The following STK32B variants were observed in gnomAD, a reference collection of about 807,000 sequenced individuals.
STK32B encodes serine/threonine-protein kinase 32B.
A neutral mutation model predicts 52.6 loss-of-function variants in STK32B; 43 were observed. That is an observed-to-expected ratio of 0.82 (90% CI 0.64 to 1.05). STK32B has a LOEUF of 1.05. Among genes scored for constraint, STK32B ranks in the 50% least tolerant of loss-of-function variants. STK32B has a pLI of 0.00. For synonymous variants in STK32B, 238 were observed against 204.3 expected, an observed-to-expected ratio of 1.17 and a Z score of -1.41; for missense variants, 621 against 534.6, an observed-to-expected ratio of 1.16 and a Z score of -1.59.
At chr4:5,042,355 A>T in the STK32B span, among the ~76,000 whole-genome samples, 1 of 152,220 alleles carries the variant, frequency 6.6e-6, no homozygotes, top group African/African-American at 2.4e-5. Context: ...TTTGCACATA[A>T]TTAGAAGAAC....
At position 5,496,805 on chromosome 4, in the gene STK32B, TAA is replaced by T. The variant is rs531765285; in HGVS notation, c.1107-2127_1107-2126del. ...TAACATGGAAATTTTTTCTTTGCTT[TAA>T]AAAAAAAAAAAACAGCATGAAGATC... On this transcript the variant is annotated intron_variant, in intron 11 of 11. Transcript: ENST00000282908. 1.8e-3 allele frequency among the ~76,000 whole-genome samples: 264 copies of T among 142,852 alleles called. 1 individual carries two copies. The highest frequency in any genetic ancestry group is 6.5e-3 in the African/African-American group (252 of 38,984). 93.7% of individuals were successfully genotyped at this position (142,852 alleles called of 152,430 possible).
Position 5,190,378 on chromosome 4 carries a change from T to A in STK32B, c.260+21928T>A, listed in dbSNP as rs1389811134. Among the ~76,000 whole-genome samples the A allele has an allele frequency of 2.0e-5, 3 of 152,156 alleles. No individual in the cohort carries two copies. The East Asian group carries it at 5.8e-4, about 29-fold the overall frequency. The stretch of plus-strand genomic sequence containing the variant: ...CCCTGTTAGGCTGGAACTTTGCTTC[T>A]CCATTTTGCAGAGGAGACAATTGAG... On this transcript the variant is annotated intron_variant, in intron 3 of 11. Transcript: ENST00000282908.
Position 5,453,224 on chromosome 4 carries a change from G to GGAGAGA in STK32B, c.667-3567_667-3562dup, listed in dbSNP as rs34791116. On this transcript the variant is annotated intron_variant, in intron 7 of 11. Coordinates refer to ENST00000282908, the MANE Select transcript of STK32B (RefSeq NM_018401.3). This position sits in a 1 kb window ranked among gnomAD's most constrained non-coding sequence, Gnocchi z 4.0. Reference sequence around the variant, plus strand: ...AAGGAGAGAGAATTACAGAGATTAGGGAGAGAGAGAGAGAGAGAGAGTAGC... The same window carrying GGAGAGA: ...AAGGAGAGAGAATTACAGAGATTAGGGAGAGAGAGAGAGAGAGAGAGAGAGAGTAGC... 1.3e-4 allele frequency among the ~76,000 whole-genome samples: 19 copies of GGAGAGA among 150,518 alleles called. No individual in the cohort carries two copies. The East Asian group carries it at 1.4e-3, about 11-fold the overall frequency.
the STK32B span, among the ~76,000 whole-genome samples, chr4:5,045,937 C>G: frequency 6.6e-6 from 1 of 152,196 alleles, no homozygotes; most frequent in Non-Finnish European, 1.5e-5. Flanking sequence ...GAACTTCCAA[C>G]ACTATGTTGA....
chr4:5,426,290 C>G (rs545245031), intron 6 of STK32B, among the ~76,000 whole-genome samples: 1 of 152,082 alleles, frequency 6.6e-6, no homozygotes. Flanking sequence ...ATAGGTCAGT[C>G]GTGATTTCAG....
chr4:5,226,208 AG>A (rs1560238979), intron 3 of STK32B, among the ~76,000 whole-genome samples: 1 of 152,224 alleles, frequency 6.6e-6, no homozygotes, highest in Non-Finnish European at 1.5e-5. Flanking sequence ...ATTGCTGACT[AG>A]GGCTACAAAA....
At chr4:5,425,029 G>T (rs1021328540) in intron 6 of STK32B, among the ~76,000 whole-genome samples, 1 of 152,238 alleles carries the variant, frequency 6.6e-6, no homozygotes, top group Non-Finnish European at 1.5e-5. Flanking sequence ...GGGAGCCGGC[G>T]CTCGTGCCAG....
intron 2 of STK32B, among the ~76,000 whole-genome samples, chr4:5,145,645 C>T (rs548631609): frequency 2.4e-4 from 37 of 152,214 alleles, no homozygotes; most frequent in Non-Finnish European, 4.3e-4. Flanking sequence ...ATAAATTTTT[C>T]AGCATAATGT....
At chr4:5,498,847 G>T in intron 11 of STK32B, 98 bp from the exon 12 acceptor site, 1 of 1,454,666 alleles carries the variant, frequency 6.9e-7, no homozygotes, top group East Asian at 2.5e-5. Context: ...GGTTTGAGCT[G>T]AAGGCTCCAC....
chr4:5,226,013 A>G (rs1723848444), intron 3 of STK32B, among the ~76,000 whole-genome samples: 2 of 152,220 alleles, frequency 1.3e-5, no homozygotes, highest in Non-Finnish European at 2.9e-5. Context: ...GATAAAACCC[A>G]GGCATGTGCT....
chr4:5,440,502 G>A (rs1486079411), intron 6 of STK32B, among the ~76,000 whole-genome samples: 8 of 152,136 alleles, frequency 5.3e-5, no homozygotes, highest in African/African-American at 1.9e-4. Flanking sequence ...AGGAGATTTT[G>A]GGCTGAGACA....
chr4:5,447,064 G>A (rs746838704), intron 7 of STK32B: 15 of 282,050 alleles, frequency 5.3e-5, no homozygotes, highest in South Asian at 1.3e-4. Flanking sequence ...CCTTGGCCTC[G>A]TGGTTTCAAA....
At chr4:5,038,931 G>A in the STK32B span, among the ~76,000 whole-genome samples, 43 of 148,736 alleles carry the variant, frequency 2.9e-4, no homozygotes, top group African/African-American at 1.0e-3. Context: ...TGACTCTTTT[G>A]TAATAACATA....
At chr4:5,474,952 T>C (rs1323058565) in intron 11 of STK32B, among the ~76,000 whole-genome samples, 1 of 152,128 alleles carries the variant, frequency 6.6e-6, no homozygotes, top group African/African-American at 2.4e-5. Context: ...CTGGGAACCT[T>C]GATACAGCAG....
intron 1 of STK32B, among the ~76,000 whole-genome samples, chr4:5,132,449 G>A (rs531288475): frequency 2.6e-5 from 4 of 152,194 alleles, no homozygotes; most frequent in Non-Finnish European, 5.9e-5. Flanking sequence ...GTTTACCTAA[G>A]TAACAAACCT....
chr4:5,147,746 G>T (rs369812694), intron 2 of STK32B, among the ~76,000 whole-genome samples: 1 of 151,856 alleles, frequency 6.6e-6, no homozygotes, highest in African/African-American at 2.4e-5. Context: ...AACCAACTGT[G>T]TATTACTGAG....
chr4:5,479,130 T>G (rs1378069871), intron 11 of STK32B, among the ~76,000 whole-genome samples: 1,721 of 151,130 alleles, frequency 0.011, 32 homozygotes, highest in African/African-American at 0.039. Flanking sequence ...TTTGTTTTTT[T>G]TTTTTTTTAG....
At chr4:5,182,554 C>T (rs1000725017) in intron 3 of STK32B, among the ~76,000 whole-genome samples, 7 of 151,896 alleles carry the variant, frequency 4.6e-5, no homozygotes, top group South Asian at 2.1e-4. Flanking sequence ...CTCTGCCTCC[C>T]GGGTTCAAGA....
intron 4 of STK32B, among the ~76,000 whole-genome samples, chr4:5,393,876 C>G (rs1400072270): frequency 1.3e-5 from 2 of 152,106 alleles, no homozygotes; most frequent in African/African-American, 4.8e-5. Context: ...TCAAGTCTCT[C>G]TTCTCTGTCC....
Sources: allele counts gnomAD v4.1 joint callset (sites outside exome capture counted in the v4.1 genomes callset), GRCh38; gene constraint gnomAD v4.1.1; non-coding constraint Gnocchi (gnomAD v3.1); transcripts MANE v1.5; gene names NCBI Gene and HGNC (gene_info 2026-07-23, HGNC 2026-07-21).